Variants in CTR9 observed in about 807,000 individuals in gnomAD.
The protein encoded by CTR9 is RNA polymerase-associated protein CTR9 homolog.
CTR9 carries 41 observed loss-of-function variants against 152.1 expected under a neutral mutation model. The observed-to-expected ratio is 0.27, with a 90% confidence interval of 0.21 to 0.35. The LOEUF is 0.35. CTR9 is among the 10% of genes least tolerant of loss of function. CTR9 has a pLI of 1.00. For synonymous variants in CTR9, 476 were observed against 496.2 expected (o/e 0.96, Z 0.54); for missense variants, 917 against 1,424.4 (o/e 0.64, Z 5.73).
In CTR9 at chr11:10,755,143, TAC is replaced by T; in HGVS notation, c.334_335del (p.Gln112GlyfsTer10). The T allele has an allele frequency of 6.2e-7, 1 of 1,613,988 alleles. No homozygotes were observed. Among genetic ancestry groups the T allele is most frequent in the Non-Finnish European group, 8.5e-7 (1 of 1,179,890 alleles). ...ATAAGGACAATAAAAAGGATCTTAT[TAC>T]ACAGGCCACCTTGTTGTATACAATG... ...KNKDNKKDLI[T>X]QATLLYTMAD... On this transcript the variant is annotated frameshift_variant, in exon 3 of 25. Transcript: ENST00000361367. LOFTEE classifies it high-confidence loss of function.
intron 4 of CTR9, among the ~76,000 whole-genome samples, chr11:10,756,419 CA>C (rs964458761): frequency 1.3e-5 from 2 of 152,112 alleles, no homozygotes; most frequent in African/African-American, 4.8e-5. Context: ...CTCCACCCTC[CA>C]AAAGGCCCCA....
At chr11:10,772,863 C>G (rs577310622) in intron 20 of CTR9, among the ~76,000 whole-genome samples, 6 of 152,044 alleles carry the variant, frequency 3.9e-5, no homozygotes, top group African/African-American at 1.4e-4. Flanking sequence ...CCCGTCTCTA[C>G]TAAAAATACA....
rs984435729 is a variant in CTR9 at position 10,773,397 on chromosome 11, C to G, written c.2727+124C>G. The G allele has an allele frequency of 8.0e-6, 9 of 1,130,264 alleles. No homozygotes were observed. The African/African-American group carries it at 1.4e-4, about 18-fold the overall frequency. The allele number at this position is 1,130,264 out of a possible 1,614,324, so 70.0% of individuals were successfully genotyped here. ...TTTGACTTCCTCTTTTGTTAAGAGA[C>G]AGTCTTCTAACACAGAGAATGATTT... On this transcript the variant is annotated intron_variant, in intron 21 of 24. Coordinates refer to ENST00000361367, the MANE Select transcript of CTR9 (RefSeq NM_014633.5).
In CTR9 at chr11:10,767,734, T is replaced by C; in HGVS notation, c.1687-72T>C. 1 of 1,271,928 alleles carries C rather than the reference T, an allele frequency of 7.9e-7. No individual in the cohort carries two copies. The highest frequency in any genetic ancestry group is 1.1e-6 in the Non-Finnish European group (1 of 881,532). 78.8% of individuals were successfully genotyped at this position (1,271,928 alleles called of 1,614,324 possible). On this transcript the variant is annotated intron_variant, in intron 13 of 24. Coordinates refer to ENST00000361367, the MANE Select transcript of CTR9 (RefSeq NM_014633.5). The surrounding 1 kb of genome is among the most constrained non-coding windows in gnomAD (Gnocchi z 4.0). The stretch of plus-strand genomic sequence containing the variant: ...TTTGTAAACCTCTTCAGTAATCAGC[T>C]ATTGTGGGAAGATGATTGATCTCTG...
intron 24 of CTR9, among the ~76,000 whole-genome samples, chr11:10,778,139 A>T (rs1429153969): frequency 6.6e-6 from 1 of 152,144 alleles, no homozygotes; most frequent in Non-Finnish European, 1.5e-5. Flanking sequence ...GGTGGAGGGG[A>T]CCTAGTGCAG....
In CTR9 at chr11:10,758,946, T is replaced by C. The variant is rs370905665; in HGVS notation, c.593-1227T>C. ...TTTGGAAAATGCTGATATCATTCAT[T>C]TGGAGTCAGTACTTTTCTGGTGGCC... On this transcript the variant is annotated intron_variant, in intron 5 of 24. Transcript: ENST00000361367. Among the ~76,000 whole-genome samples, 15 of 152,346 alleles carry C rather than the reference T, an allele frequency of 9.8e-5. No individual in the cohort carries two copies. In the East Asian group the frequency reaches 1.2e-3, roughly 12 times the overall value.
chr11:10,754,551 T>A (rs768065828), intron 2 of CTR9, among the ~76,000 whole-genome samples: 2 of 152,228 alleles, frequency 1.3e-5, no homozygotes, highest in Non-Finnish European at 2.9e-5. Context: ...TCTGAAAGTG[T>A]CCTCTGTACC....
chr11:10,760,173 C>T lies in CTR9; in HGVS notation c.593C>T (p.Ala198Val), dbSNP rs751168503. The change falls in exon 6 of 25, where the codon GCG becomes GTG. Residue 198 changes from alanine (A) to valine (V), a missense_variant and splice_region_variant. Coordinates refer to ENST00000361367, the MANE Select transcript of CTR9 (RefSeq NM_014633.5). ...TAGATTGAATGACTTCATTTTATAG[C>T]GGAAGTTCGTTTAGGAATGGGTCAT... ...KALRTNPGCPAEVRLGMGHCF... is the reference protein window; with the variant it reads ...KALRTNPGCPVEVRLGMGHCF... The T allele has an allele frequency of 8.1e-6, 13 of 1,612,574 alleles. No homozygotes were observed. The highest frequency in any genetic ancestry group is 1.1e-5 in the Non-Finnish European group (13 of 1,179,100).
At position 10,756,963 on chromosome 11, in the gene CTR9, T is replaced by G. The variant is rs6484483; in HGVS notation, c.592+125T>G. On this transcript the variant is annotated intron_variant, in intron 5 of 24. Transcript: ENST00000361367. ...GGATTATAGAAATGTCAGAATCAAG[T>G]TTTTTTTTTGATGCTATGTTTGAGT... 0.17 allele frequency: 111,336 copies of G among 640,082 alleles called. 14,792 individuals are homozygous for G. The highest frequency in any genetic ancestry group is 0.62 in the African/African-American group (32,539 of 52,352). The allele number at this position is 640,082 out of a possible 1,614,324, so 39.7% of individuals were successfully genotyped here. A position where few individuals can be genotyped will look rare whatever the true frequency, so the allele number is the denominator to read the frequency against.
At chr11:10,754,843 T>G in intron 2 of CTR9, 115 bp from the exon 3 acceptor site, 2 of 1,063,146 alleles carry the variant, frequency 1.9e-6, no homozygotes, top group Non-Finnish European at 2.7e-6. Flanking sequence ...TTAATCAACA[T>G]TTTGATTGTT....
In CTR9 at chr11:10,770,081, T is replaced by A. The variant is rs1408750673; in HGVS notation, c.2110-129T>A. 30 of 570,336 alleles carry A rather than the reference T, an allele frequency of 5.3e-5. No homozygotes were observed. Among genetic ancestry groups the A allele is most frequent in the Non-Finnish European group, 6.4e-5 (21 of 325,918 alleles). 35.3% of individuals were successfully genotyped at this position (570,336 alleles called of 1,614,324 possible). ...AAAAATCATTCCCCAAATTATTCTC[T>A]GAAATTAACCATTCAAAGGGTAAAA... On this transcript the variant is annotated intron_variant, in intron 16 of 24. Transcript: ENST00000361367.
At chr11:10,760,791 C>T (rs1381368025) in intron 6 of CTR9, among the ~76,000 whole-genome samples, 1 of 152,102 alleles carries the variant, frequency 6.6e-6, no homozygotes, top group African/African-American at 2.4e-5. Flanking sequence ...TTTGATAGGT[C>T]CTTGTCGTCA....
At chr11:10,760,741 G>A (rs1354371389) in intron 6 of CTR9, among the ~76,000 whole-genome samples, 1 of 152,156 alleles carries the variant, frequency 6.6e-6, no homozygotes, top group Non-Finnish European at 1.5e-5. Context: ...AAACATAAGG[G>A]CTTTTAGTGT....
At chr11:10,752,348 C>G (rs1176793022) in intron 1 of CTR9, among the ~76,000 whole-genome samples, 1 of 152,122 alleles carries the variant, frequency 6.6e-6, no homozygotes, top group Non-Finnish European at 1.5e-5. Flanking sequence ...CTCTAGGGTG[C>G]TTATCTGCAC....
At chr11:10,771,181 T>A (rs756934563) in intron 18 of CTR9, among the ~76,000 whole-genome samples, 1 of 152,228 alleles carries the variant, frequency 6.6e-6, no homozygotes, top group Admixed American at 6.5e-5. Flanking sequence ...CTCTTCAGGT[T>A]TTGTCCAACT....
Position 10,764,391 on chromosome 11 carries a change from T to C in CTR9, c.1368T>C (p.Asn456=), listed in dbSNP as rs1427826807. The C allele has an allele frequency of 5.0e-6, 8 of 1,613,970 alleles. No homozygotes were observed. Among genetic ancestry groups the C allele is most frequent in the East Asian group, 2.2e-5 (1 of 44,890 alleles). The change falls in exon 11 of 25, where the codon AAT becomes AAC. Residue 456 remains asparagine, a synonymous_variant. Transcript: ENST00000361367. ...QADVPPEILN[N]VGALHFRLGN... ...ATGTTCCTCCAGAGATTCTCAATAA[T>C]GTGGGTGCCCTCCATTTTAGACTTG...
At position 10,778,672 on chromosome 11, in the gene CTR9, T is replaced by C; in HGVS notation, c.3096-7T>C. 1 of 1,605,770 alleles carries C rather than the reference T, an allele frequency of 6.2e-7. No individual in the cohort carries two copies. Among genetic ancestry groups the C allele is most frequent in the Non-Finnish European group, 8.5e-7 (1 of 1,173,436 alleles). On this transcript the variant is annotated splice_region_variant and splice_polypyrimidine_tract_variant and intron_variant, in intron 24 of 24. Coordinates refer to ENST00000361367, the MANE Select transcript of CTR9 (RefSeq NM_014633.5). ...CTCAGCTTCTAACCAATGATCATCT[T>C]TGCCAGACATCCCAGGAACAGCAAC...
intron 24 of CTR9, among the ~76,000 whole-genome samples, 180 bp downstream of exon 24, chr11:10,775,813 C>G (rs1449403498): frequency 5.3e-5 from 8 of 152,082 alleles, no homozygotes; most frequent in African/African-American, 1.9e-4. Context: ...GTTGCTGTGC[C>G]GAAATGGCTT....
intron 12 of CTR9, 190 bp from the exon 13 acceptor site, chr11:10,766,212 A>G: frequency 3.6e-6 from 2 of 559,398 alleles, no homozygotes; most frequent in East Asian, 6.4e-5. Flanking sequence ...TTCAAACAGT[A>G]AGTCTAGATG....
Sources: allele counts gnomAD v4.1 joint callset (sites outside exome capture counted in the v4.1 genomes callset), GRCh38; gene constraint gnomAD v4.1.1; non-coding constraint Gnocchi (gnomAD v3.1); transcripts MANE v1.5; gene names NCBI Gene and HGNC (gene_info 2026-07-23, HGNC 2026-07-21).